Variants in OR1B1 observed in about 807,000 individuals in gnomAD.
OR1B1 encodes olfactory receptor 1B1.
For synonymous variants in OR1B1, 168 were observed against 156.2 expected, an observed-to-expected ratio of 1.08 and a Z score of -0.57; for missense variants, 414 against 402.1, an observed-to-expected ratio of 1.03 and a Z score of -0.25.
At chr9:122,628,943 A>G (rs1408607581) in exon 1 of OR1B1, 14 of 1,614,142 alleles carry the variant, frequency 8.7e-6, no homozygotes, top group East Asian at 2.2e-5. Flanking sequence ...ATTAGAATGT[A>G]TGTCAGAACA....
chr9:122,655,108 C>T, the OR1B1 span, among the ~76,000 whole-genome samples: 1 of 152,094 alleles, frequency 6.6e-6, no homozygotes, highest in Non-Finnish European at 1.5e-5. Context: ...CTCCATCATT[C>T]CAGGTCCTTC....
At chr9:122,630,907 C>T (rs553283849), upstream of OR1B1, among the ~76,000 whole-genome samples, 4 of 152,184 alleles carry the variant, frequency 2.6e-5, no homozygotes, top group East Asian at 7.8e-4. Flanking sequence ...AGGGTTTCAC[C>T]ATGTTGGCCA....
At chr9:122,647,139 A>G in the OR1B1 span, among the ~76,000 whole-genome samples, 281 of 152,322 alleles carry the variant, frequency 1.8e-3, 4 homozygotes, top group Non-Finnish European at 9.8e-4. Context: ...GCTGCAGAAG[A>G]CACATTCTTC....
chr9:122,641,230 A>ATG, the OR1B1 span, among the ~76,000 whole-genome samples: 1 of 152,202 alleles, frequency 6.6e-6, no homozygotes, highest in Non-Finnish European at 1.5e-5. Context: ...ATGTGACATA[A>ATG]TGTGTGTGTG....
chr9:122,631,181 C>CT (rs567689055), upstream of OR1B1, among the ~76,000 whole-genome samples: 3,081 of 146,394 alleles, frequency 0.021, 58 homozygotes, highest in African/African-American at 0.05. Flanking sequence ...AATAATCATA[C>CT]TTTTTTTTTT....
At chr9:122,629,510 G>A (rs746183567) in exon 1 of OR1B1, 5 of 1,610,120 alleles carry the variant, frequency 3.1e-6, no homozygotes, top group Non-Finnish European at 4.2e-6. Flanking sequence ...CGGAGAGTGT[G>A]AAGCATTAGG....
At chr9:122,646,169 A>G in the OR1B1 span, among the ~76,000 whole-genome samples, 2 of 152,134 alleles carry the variant, frequency 1.3e-5, no homozygotes, top group Non-Finnish European at 2.9e-5. Context: ...CCTCGTGGTA[A>G]CCTCAAATCA....
upstream of OR1B1, among the ~76,000 whole-genome samples, chr9:122,633,355 A>G (rs1587981575): frequency 6.6e-6 from 1 of 152,304 alleles, no homozygotes; most frequent in East Asian, 1.9e-4. Context: ...TCCAAGAAGA[A>G]AATACAAGGG....
At chr9:122,651,835 T>C in the OR1B1 span, among the ~76,000 whole-genome samples, 1 of 152,236 alleles carries the variant, frequency 6.6e-6, no homozygotes, top group African/African-American at 2.4e-5. Flanking sequence ...TCACACAGGC[T>C]AGAGTGCAGT....
exon 1 of OR1B1, chr9:122,629,464 G>T: frequency 6.2e-7 from 1 of 1,611,568 alleles, no homozygotes. Context: ...GAGTGTAGGA[G>T]ATGTTAGCTC....
chr9:122,646,090 T>C, the OR1B1 span, among the ~76,000 whole-genome samples: 1 of 152,148 alleles, frequency 6.6e-6, no homozygotes, highest in Non-Finnish European at 1.5e-5. Context: ...TTTTTGTGTG[T>C]TTGTTTATGC....
the OR1B1 span, among the ~76,000 whole-genome samples, chr9:122,650,746 G>T: frequency 6.6e-6 from 1 of 151,962 alleles, no homozygotes; most frequent in Non-Finnish European, 1.5e-5. Flanking sequence ...TGTCCCAGCC[G>T]GGCGCGGTGG....
At chr9:122,646,582 A>G in the OR1B1 span, among the ~76,000 whole-genome samples, 1 of 152,192 alleles carries the variant, frequency 6.6e-6, no homozygotes, top group Non-Finnish European at 1.5e-5. Flanking sequence ...ATAGCCTTCA[A>G]GACAAAAACT....
At chr9:122,649,045 A>G in the OR1B1 span, among the ~76,000 whole-genome samples, 1 of 152,238 alleles carries the variant, frequency 6.6e-6, no homozygotes, top group African/African-American at 2.4e-5. Flanking sequence ...ACTGGTACCA[A>G]AACAGACATA....
At chr9:122,651,748 A>G in the OR1B1 span, among the ~76,000 whole-genome samples, 19 of 152,330 alleles carry the variant, frequency 1.2e-4, no homozygotes, top group Non-Finnish European at 2.4e-4. Flanking sequence ...AAAACCAATT[A>G]TAACAATTTT....
the OR1B1 span, among the ~76,000 whole-genome samples, chr9:122,645,631 T>A: frequency 1.3e-5 from 2 of 152,296 alleles, no homozygotes; most frequent in East Asian, 1.9e-4. Context: ...TGGCATGATA[T>A]TTTTAAAGTA....
chr9:122,639,351 C>T, the OR1B1 span, among the ~76,000 whole-genome samples: 1 of 152,136 alleles, frequency 6.6e-6, no homozygotes, highest in South Asian at 2.1e-4. Context: ...TAGATCTCAG[C>T]ATCATATTAC....
At chr9:122,656,199 G>A in the OR1B1 span, among the ~76,000 whole-genome samples, 1,286 of 152,224 alleles carry the variant, frequency 8.4e-3, 16 homozygotes, top group African/African-American at 0.029. Context: ...CTGGCAACAC[G>A]TGTCTTCAAA....
upstream of OR1B1, among the ~76,000 whole-genome samples, chr9:122,634,367 GAAAAAAGAAAC>G (rs1830237077): frequency 1.3e-4 from 20 of 151,014 alleles, no homozygotes; most frequent in South Asian, 4.2e-3. Flanking sequence ...AAAAACAGAA[GAAAAAAGAAAC>G]AAAAAAGAAA....
Sources: allele counts gnomAD v4.1 joint callset (sites outside exome capture counted in the v4.1 genomes callset), GRCh38; gene constraint gnomAD v4.1.1; transcripts MANE v1.5; gene names NCBI Gene and HGNC (gene_info 2026-07-23, HGNC 2026-07-21).